KLF13: variants seen among roughly 807,000 people sequenced by gnomAD.
The protein encoded by KLF13 is Krueppel-like factor 13.
In KLF13, 8 loss-of-function variants were observed where a neutral mutation model predicts 16.7. The observed-to-expected ratio is 0.48, with a 90% CI of 0.28 to 0.87. The LOEUF is 0.87. Among genes scored for constraint, KLF13 ranks in the 40% least tolerant of loss-of-function variants. The pLI is 0.10. For missense variants in KLF13, 447 were observed against 452.2 expected (o/e 0.99, Z 0.10); for synonymous variants, 245 against 208.4 (o/e 1.18, Z -1.51).
At position 31,327,090 on chromosome 15, in the gene KLF13, A is replaced by T; in HGVS notation, c.-123A>T. 1.9e-6 allele frequency: 1 copy of T among 540,250 alleles called. No homozygotes were observed. Among genetic ancestry groups the T allele is most frequent in the Non-Finnish European group, 2.4e-6 (1 of 409,908 alleles). 33.5% of individuals were successfully genotyped at this position (540,250 alleles called of 1,614,324 possible). A position where few individuals can be genotyped will look rare whatever the true frequency, so the allele number is the denominator to read the frequency against. On this transcript the variant is annotated 5_prime_UTR_variant, in exon 1 of 2. Coordinates refer to ENST00000307145, the MANE Select transcript of KLF13 (RefSeq NM_015995.4). ...GGCGGCTGCGCGCCCAGCCCAGCCC[A>T]GCCCAGCCCGAGGAGAGGGCGCGCC... is the stretch of plus-strand genomic sequence containing the variant.
At chr15:31,397,464 T>C (rs775835135) in intron 2 of KLF13, among the ~76,000 whole-genome samples, 1 of 152,166 alleles carries the variant, frequency 6.6e-6, no homozygotes, top group Non-Finnish European at 1.5e-5. Flanking sequence ...GGCCAAGAGG[T>C]CCAGACGCCT....
At position 31,327,171 on chromosome 15, in the gene KLF13, C is replaced by G. The variant is rs1220980107; in HGVS notation, c.-42C>G. 4 of 1,256,294 alleles carry G rather than the reference C, an allele frequency of 3.2e-6. No homozygotes were observed. Among genetic ancestry groups the G allele is most frequent in the Non-Finnish European group, 3.0e-6 (3 of 999,318 alleles). The allele number at this position is 1,256,294 out of a possible 1,614,324, so 77.8% of individuals were successfully genotyped here. ...GCCGTGGGTGCGGATGCGCGGCTGACGACTCGCAGCAAGAGCACCGCCGCC... is the reference window on the plus strand; with the variant it reads ...GCCGTGGGTGCGGATGCGCGGCTGAGGACTCGCAGCAAGAGCACCGCCGCC... On this transcript the variant is annotated 5_prime_UTR_variant, in exon 1 of 2. Transcript: ENST00000307145.
chr15:31,412,026 G>A (rs1390778243), intron 1 of KLF13, among the ~76,000 whole-genome samples: 2 of 152,132 alleles, frequency 1.3e-5, no homozygotes, highest in Admixed American at 1.3e-4. Flanking sequence ...GTGTCTCCCA[G>A]GAAGTTATAT....
intron 2 of KLF13, among the ~76,000 whole-genome samples, chr15:31,401,149 C>T (rs1263326100): frequency 2.6e-5 from 4 of 152,082 alleles, no homozygotes; most frequent in Non-Finnish European, 4.4e-5. Flanking sequence ...TACAGGCATG[C>T]GCCACCACGC....
At chr15:31,388,138 T>G (rs2039814470), upstream of KLF13, among the ~76,000 whole-genome samples, 2 of 152,318 alleles carry the variant, frequency 1.3e-5, no homozygotes, top group Non-Finnish European at 2.9e-5. Context: ...ATGATGGGCC[T>G]GGGTGGTTAT....
rs184252823 is a variant in KLF13 at position 31,342,812 on chromosome 15, G to A, written c.577+15023G>A. ...CCTTCTTGAGGCTGGCCTCTTGGCT[G>A]CTGAGCTGGGCCTTCGCACCCCTTT... is the stretch of plus-strand genomic sequence containing the variant. On this transcript the variant is annotated intron_variant, in intron 1 of 1. Transcript: ENST00000307145. 1.5e-3 allele frequency among the ~76,000 whole-genome samples: 226 copies of A among 152,344 alleles called. 2 individuals are homozygous for A. Among genetic ancestry groups the A allele is most frequent in the Admixed American group, 0.014 (218 of 15,308 alleles).
chr15:31,403,031 T>C (rs1034929782), intron 2 of KLF13, among the ~76,000 whole-genome samples: 5 of 152,208 alleles, frequency 3.3e-5, no homozygotes, highest in Admixed American at 6.5e-5. Context: ...AGGAAGGGCA[T>C]GCTAGTCCAG....
intron 2 of KLF13, among the ~76,000 whole-genome samples, chr15:31,402,231 G>T (rs2040047709): frequency 1.3e-5 from 2 of 152,328 alleles, no homozygotes; most frequent in Admixed American, 1.3e-4. Flanking sequence ...TGCCTACATG[G>T]ATGGAGAGCC....
chr15:31,340,258 T>C (rs2038999319), intron 1 of KLF13, among the ~76,000 whole-genome samples: 1 of 152,260 alleles, frequency 6.6e-6, no homozygotes, highest in African/African-American at 2.4e-5. Flanking sequence ...AAAGCCTCTC[T>C]GTGCAGCAGC....
chr15:31,399,938 A>G (rs1225686744), intron 2 of KLF13, among the ~76,000 whole-genome samples: 1 of 152,220 alleles, frequency 6.6e-6, no homozygotes, highest in African/African-American at 2.4e-5. Context: ...TGGCTCTTCA[A>G]AGCTTTAGCT....
At chr15:31,331,437 A>G (rs2038830581) in intron 1 of KLF13, among the ~76,000 whole-genome samples, 1 of 151,442 alleles carries the variant, frequency 6.6e-6, no homozygotes, top group South Asian at 2.1e-4. Context: ...GATTATTGCG[A>G]CCCCTCCCCC....
chr15:31,344,499 G>A (rs980860112), intron 1 of KLF13, among the ~76,000 whole-genome samples: 2 of 152,260 alleles, frequency 1.3e-5, no homozygotes, highest in African/African-American at 4.8e-5. Flanking sequence ...GCCTTTGGGG[G>A]TGACTTCACC....
At chr15:31,420,492 C>A in intron 1 of KLF13, 3 of 677,632 alleles carry the variant, frequency 4.4e-6, no homozygotes, top group South Asian at 2.8e-5. Flanking sequence ...AAAGACAAGT[C>A]GTCTGTACTG....
intron 1 of KLF13, among the ~76,000 whole-genome samples, chr15:31,415,368 C>T (rs1413447900): frequency 6.6e-6 from 1 of 152,186 alleles, no homozygotes; most frequent in Non-Finnish European, 1.5e-5. Context: ...ATAAAACATT[C>T]TCCAGACCAT....
At chr15:31,396,470 G>A (rs1193820380) in intron 2 of KLF13, among the ~76,000 whole-genome samples, 3 of 152,160 alleles carry the variant, frequency 2.0e-5, no homozygotes, top group Non-Finnish European at 2.9e-5. Flanking sequence ...GGTTTTTAAG[G>A]ATAATTTGGT....
chr15:31,391,871 C>T (rs574774893), upstream of KLF13, among the ~76,000 whole-genome samples: 1 of 152,190 alleles, frequency 6.6e-6, no homozygotes, highest in South Asian at 2.1e-4. Flanking sequence ...TCCTGGAATT[C>T]GTGAACTGCC....
downstream of KLF13, among the ~76,000 whole-genome samples, chr15:31,406,623 A>G (rs2040132558): frequency 6.6e-6 from 1 of 152,176 alleles, no homozygotes; most frequent in African/African-American, 2.4e-5. Flanking sequence ...CAACAATATA[A>G]ATTTATTCTC....
upstream of KLF13, among the ~76,000 whole-genome samples, chr15:31,388,510 C>CAGGA (rs1318126882): frequency 2.0e-5 from 3 of 150,076 alleles, no homozygotes; most frequent in African/African-American, 7.4e-5. Flanking sequence ...CTCAGCTACT[C>CAGGA]AGGAGGCTGA....
chr15:31,359,581 C>G (rs2039350255), intron 1 of KLF13, among the ~76,000 whole-genome samples: 1 of 152,208 alleles, frequency 6.6e-6, no homozygotes, highest in Non-Finnish European at 1.5e-5. Context: ...CAAAGTGATT[C>G]ATTTGATGAA....
Sources: allele counts gnomAD v4.1 joint callset (sites outside exome capture counted in the v4.1 genomes callset), GRCh38; gene constraint gnomAD v4.1.1; transcripts MANE v1.5; gene names NCBI Gene and HGNC (gene_info 2026-07-23, HGNC 2026-07-21).